Variants in LRRTM3 observed in about 807,000 individuals in gnomAD.
The protein encoded by LRRTM3 is leucine-rich repeat transmembrane neuronal protein 3.
Under a neutral mutation model 44.7 loss-of-function variants are expected in LRRTM3, and 24 were observed. That is an observed-to-expected ratio of 0.54 (90% confidence interval 0.39 to 0.76). The LOEUF is 0.76. LRRTM3 is among the 30% of genes least tolerant of loss of function. The pLI is 0.00. For synonymous variants in LRRTM3, 277 were observed against 278.7 expected (o/e 0.99, Z 0.06); for missense variants, 587 against 702.2 (o/e 0.84, Z 1.85).
chr10:67,097,652 G>A lies in LRRTM3; in HGVS notation c.1602G>A (p.Gly534=), dbSNP rs1858090300. The A allele has an allele frequency of 1.2e-6, 2 of 1,612,458 alleles. No homozygotes were observed. Among genetic ancestry groups the A allele is most frequent in the African/African-American group, 1.3e-5 (1 of 74,734 alleles). ...ACCAGCCCACAATAAGTTACTGTGG[G>A]GTGCATCATGAACTTCTCTCCCATA... ...AYDQPTISYC[G]VHHELLSHKS... Residue 534 remains glycine (G), a synonymous_variant, in exon 3 of 3, where the codon GGG becomes GGA. Coordinates refer to ENST00000361320, the MANE Select transcript of LRRTM3 (RefSeq NM_178011.5).
At chr10:67,054,391 A>G (rs1314340185) in intron 2 of LRRTM3, among the ~76,000 whole-genome samples, 1 of 151,986 alleles carries the variant, frequency 6.6e-6, no homozygotes, top group African/African-American at 2.4e-5. Flanking sequence ...CTAAGTGACC[A>G]ATGAGGACAG....
intron 2 of LRRTM3, among the ~76,000 whole-genome samples, chr10:67,037,311 GC>G (rs1480823099): frequency 6.7e-6 from 1 of 149,232 alleles, no homozygotes; most frequent in Non-Finnish European, 1.5e-5. Flanking sequence ...CATGTACTCA[GC>G]AAAATCATAT....
chr10:67,042,959 C>T (rs566919812), intron 2 of LRRTM3, among the ~76,000 whole-genome samples: 37 of 152,134 alleles, frequency 2.4e-4, no homozygotes, highest in African/African-American at 8.4e-4. Flanking sequence ...TAAGTGAAAA[C>T]TGAGCAGCTA....
intron 2 of LRRTM3, among the ~76,000 whole-genome samples, chr10:67,073,819 T>C (rs888743879): frequency 6.6e-6 from 1 of 152,190 alleles, no homozygotes; most frequent in Non-Finnish European, 1.5e-5. Context: ...ATTTTGATCC[T>C]TTCTAAGTCT....
intron 2 of LRRTM3, among the ~76,000 whole-genome samples, chr10:67,081,838 G>A (rs1857075390): frequency 6.6e-6 from 1 of 152,200 alleles, no homozygotes; most frequent in South Asian, 2.1e-4. Context: ...TAGCCCAGCA[G>A]AGGTGATCAT....
chr10:67,052,323 T>A (rs1855154110), intron 2 of LRRTM3, among the ~76,000 whole-genome samples: 1 of 148,848 alleles, frequency 6.7e-6, no homozygotes, highest in Non-Finnish European at 1.5e-5. Flanking sequence ...ACTCTCTCTC[T>A]CTCTCTCTCT....
chr10:67,013,274 T>C (rs1423089082), intron 2 of LRRTM3, among the ~76,000 whole-genome samples: 3 of 151,574 alleles, frequency 2.0e-5, no homozygotes, highest in African/African-American at 7.3e-5. Flanking sequence ...TAAAATTCTC[T>C]ACCATTCAAA....
chr10:67,013,995 A>G (rs887806005), intron 2 of LRRTM3, among the ~76,000 whole-genome samples: 1 of 152,148 alleles, frequency 6.6e-6, no homozygotes, highest in Non-Finnish European at 1.5e-5. Flanking sequence ...TAAACACTCC[A>G]GAGAATTTGT....
intron 2 of LRRTM3, among the ~76,000 whole-genome samples, chr10:66,940,801 T>C (rs1391422484): frequency 1.3e-5 from 2 of 152,168 alleles, no homozygotes; most frequent in Non-Finnish European, 1.5e-5. Flanking sequence ...AAAAAACTTA[T>C]CTGATCTTCA....
chr10:66,972,010 T>G (rs1849749787), intron 2 of LRRTM3, among the ~76,000 whole-genome samples: 1 of 152,138 alleles, frequency 6.6e-6, no homozygotes, highest in Non-Finnish European at 1.5e-5. Flanking sequence ...TCTTGAAAAT[T>G]TTCCTCATTG....
intron 2 of LRRTM3, among the ~76,000 whole-genome samples, chr10:66,994,559 A>C (rs10997473): frequency 3.2e-4 from 49 of 152,216 alleles, no homozygotes; most frequent in Non-Finnish European, 8.8e-5. Context: ...AATGATACAA[A>C]AATAGCATTA....
chr10:67,056,099 G>A (rs1483234808), intron 2 of LRRTM3, among the ~76,000 whole-genome samples: 1 of 152,016 alleles, frequency 6.6e-6, no homozygotes, highest in African/African-American at 2.4e-5. Flanking sequence ...ACGTTTTTAT[G>A]TCCTCTGAGA....
intron 2 of LRRTM3, among the ~76,000 whole-genome samples, chr10:67,091,339 C>A (rs1051620364): frequency 2.0e-5 from 3 of 151,714 alleles, no homozygotes; most frequent in Non-Finnish European, 4.4e-5. Flanking sequence ...GTGATACATA[C>A]ACAAACATAC....
chr10:67,003,790 G>C (rs1005598506), intron 2 of LRRTM3, among the ~76,000 whole-genome samples: 1 of 152,144 alleles, frequency 6.6e-6, no homozygotes, highest in African/African-American at 2.4e-5. Flanking sequence ...CAAATTGAGA[G>C]GTTAATTTTG....
intron 2 of LRRTM3, among the ~76,000 whole-genome samples, chr10:66,929,653 G>A (rs1204395589): frequency 2.0e-5 from 3 of 152,188 alleles, no homozygotes; most frequent in South Asian, 4.1e-4. Context: ...GTTCTCTGTT[G>A]CTTTTCTATT....
Position 67,100,111 on chromosome 10 carries a change from C to T in LRRTM3, c.*2315C>T, listed in dbSNP as rs1486742783. On this transcript the variant is annotated 3_prime_UTR_variant, in exon 3 of 3. Coordinates refer to ENST00000361320, the MANE Select transcript of LRRTM3 (RefSeq NM_178011.5). The stretch of plus-strand genomic sequence containing the variant: ...CTACTAATAAACCTATTTCTAGACA[C>T]ATTCAAATTGATAATGATTTTTAGA... Among the ~76,000 whole-genome samples the T allele has an allele frequency of 1.3e-5, 2 of 151,724 alleles. No homozygotes were observed. The highest frequency in any genetic ancestry group is 6.6e-5 in the Admixed American group (1 of 15,178).
At chr10:67,023,227 A>G (rs962964559) in intron 2 of LRRTM3, among the ~76,000 whole-genome samples, 1 of 152,188 alleles carries the variant, frequency 6.6e-6, no homozygotes, top group African/African-American at 2.4e-5. Flanking sequence ...TAGTATCAAG[A>G]TCAATTCTCT....
intron 2 of LRRTM3, among the ~76,000 whole-genome samples, chr10:66,988,955 T>C (rs1850885265): frequency 6.6e-6 from 1 of 151,808 alleles, no homozygotes; most frequent in Non-Finnish European, 1.5e-5. Flanking sequence ...TCCTTACACA[T>C]CCGGGTGCTT....
intron 2 of LRRTM3, among the ~76,000 whole-genome samples, chr10:67,036,260 C>T (rs1227578996): frequency 6.6e-6 from 1 of 151,848 alleles, no homozygotes; most frequent in East Asian, 1.9e-4. Context: ...TCAAGAGATC[C>T]TCCACCACAC....
Sources: gnomAD v4.1 joint callset for allele counts (sites outside exome capture counted in the v4.1 genomes callset) on GRCh38, gnomAD v4.1.1 for gene constraint, MANE v1.5 for transcripts, NCBI Gene and HGNC (gene_info 2026-07-23, HGNC 2026-07-21) for gene names.